The following PDE1A variants were observed in gnomAD, a reference collection of about 807,000 sequenced individuals.
PDE1A encodes dual specificity calcium/calmodulin-dependent 3',5'-cyclic nucleotide phosphodiesterase 1A.
Under a neutral mutation model 61.7 loss-of-function variants are expected in PDE1A, and 35 were observed. The observed-to-expected ratio is 0.57, with a 90% CI of 0.43 to 0.75. The LOEUF (loss-of-function observed/expected upper bound fraction) is 0.75. Ranked by LOEUF, PDE1A falls within the 30% of genes least tolerant of loss-of-function variation. The probability of loss-of-function intolerance (pLI) is 0.00; values close to 1 mark genes in which losing one functional copy is unlikely to be tolerated. For synonymous variants in PDE1A, 232 were observed against 213.2 expected (o/e 1.09, Z -0.77); for missense variants, 597 against 630.6 (o/e 0.95, Z 0.57).
the PDE1A span, among the ~76,000 whole-genome samples, chr2:182,561,191 T>C: frequency 6.6e-6 from 1 of 151,906 alleles, no homozygotes; most frequent in Non-Finnish European, 1.5e-5. Context: ...TGGTTTTAGG[T>C]CTAATGTTTA....
At chr2:182,635,221 T>A in the PDE1A span, among the ~76,000 whole-genome samples, 1 of 152,098 alleles carries the variant, frequency 6.6e-6, no homozygotes, top group Non-Finnish European at 1.5e-5. Context: ...TACCATTGAT[T>A]TAATGTAATA....
At chr2:182,280,573 G>T (rs1005957764) in intron 1 of PDE1A, among the ~76,000 whole-genome samples, 2 of 151,980 alleles carry the variant, frequency 1.3e-5, no homozygotes, top group Admixed American at 1.3e-4. Context: ...CTCTCAAAAT[G>T]TAAAGGCTTT....
At chr2:182,308,975 A>T (rs75871545) in intron 1 of PDE1A, among the ~76,000 whole-genome samples, 2,349 of 151,852 alleles carry the variant, frequency 0.015, 62 homozygotes, top group African/African-American at 0.054. Context: ...CTTATCCTAA[A>T]TGCCAGGTAA....
At chr2:182,349,351 T>C (rs1464257712) in intron 1 of PDE1A, among the ~76,000 whole-genome samples, 1 of 152,212 alleles carries the variant, frequency 6.6e-6, no homozygotes, top group Non-Finnish European at 1.5e-5. Flanking sequence ...TGTGCCAGCA[T>C]AGGTCAGCAA....
chr2:182,527,969 G>A (rs56793665), upstream of PDE1A, among the ~76,000 whole-genome samples: 1 of 151,964 alleles, frequency 6.6e-6, no homozygotes. Flanking sequence ...CCATTAAACC[G>A]CTTTTTCTTT....
the PDE1A span, among the ~76,000 whole-genome samples, chr2:182,608,352 C>G: frequency 6.6e-6 from 1 of 152,236 alleles, no homozygotes. Flanking sequence ...GGCGCCTCCT[C>G]GGCCTTGGCG....
rs533234147 is a variant in PDE1A at position 182,355,248 on chromosome 2, T to A, written c.53+71330A>T. ...AAATAAATATGGCCACTCTTACCAT[T>A]AAGACTTAGCAACATATCCCTATCA... is the stretch of plus-strand genomic sequence containing the variant. On this transcript the variant is annotated intron_variant, in intron 1 of 13. Coordinates refer to ENST00000351439, the Ensembl canonical transcript of PDE1A. Among the ~76,000 whole-genome samples, 13 of 152,118 alleles carry A rather than the reference T, an allele frequency of 8.5e-5. 1 individual carries two copies. The South Asian group carries it at 2.7e-3, about 32-fold the overall frequency.
chr2:182,448,253 C>T (rs1196721162), intron 2 of PDE1A, among the ~76,000 whole-genome samples: 1 of 152,040 alleles, frequency 6.6e-6, no homozygotes, highest in Non-Finnish European at 1.5e-5. Flanking sequence ...CTCCTTTCTT[C>T]TTTATTTTAA....
At chr2:182,404,900 C>G (rs970871686) in intron 1 of PDE1A, among the ~76,000 whole-genome samples, 2 of 152,138 alleles carry the variant, frequency 1.3e-5, no homozygotes, top group African/African-American at 4.8e-5. Context: ...AAGGAATACT[C>G]TATAAAATAA....
chr2:182,310,659 C>A (rs1559323868), intron 1 of PDE1A, among the ~76,000 whole-genome samples: 1 of 152,116 alleles, frequency 6.6e-6, no homozygotes, highest in Non-Finnish European at 1.5e-5. Flanking sequence ...CCTTTAATTT[C>A]TGCCACATTC....
At chr2:182,448,687 T>C (rs1221640756) in intron 2 of PDE1A, among the ~76,000 whole-genome samples, 2 of 152,134 alleles carry the variant, frequency 1.3e-5, no homozygotes, top group African/African-American at 4.8e-5. Flanking sequence ...AGGTATTCAC[T>C]TTCAGCAGAG....
chr2:182,184,662 T>C (rs1685060857), intron 13 of PDE1A, among the ~76,000 whole-genome samples: 1 of 152,140 alleles, frequency 6.6e-6, no homozygotes, highest in South Asian at 2.1e-4. Context: ...AGGGTAAATA[T>C]GTGAGAACAT....
At chr2:182,337,260 C>A (rs1046526812) in intron 1 of PDE1A, among the ~76,000 whole-genome samples, 1 of 151,928 alleles carries the variant, frequency 6.6e-6, no homozygotes, top group Non-Finnish European at 1.5e-5. Context: ...GAAATACATA[C>A]AAAATAAAGC....
chr2:182,578,327 T>C, the PDE1A span, among the ~76,000 whole-genome samples: 6 of 152,220 alleles, frequency 3.9e-5, no homozygotes, highest in South Asian at 1.2e-3. Flanking sequence ...ACCTTATGTA[T>C]CTATTAAGCT....
intron 1 of PDE1A, among the ~76,000 whole-genome samples, chr2:182,363,214 T>A (rs1699616394): frequency 6.6e-6 from 1 of 151,984 alleles, no homozygotes; most frequent in South Asian, 2.1e-4. Context: ...GAACCTGAAC[T>A]TAAAAGTTAA....
chr2:182,407,872 A>C (rs1352028557), intron 1 of PDE1A, among the ~76,000 whole-genome samples: 1 of 152,180 alleles, frequency 6.6e-6, no homozygotes, highest in African/African-American at 2.4e-5. Flanking sequence ...AATAAGTCAT[A>C]TGTACATGTA....
rs78981917 is a variant in PDE1A at position 182,355,680 on chromosome 2, A to T, written c.53+70898T>A. 2.7e-3 allele frequency among the ~76,000 whole-genome samples: 412 copies of T among 152,178 alleles called. 1 individual carries two copies. Among genetic ancestry groups the T allele is most frequent in the African/African-American group, 9.5e-3 (395 of 41,556 alleles). ...AATTTTCTAAAGCATTTTTTTCCTA[A>T]AAATAGTTTCATGGTAAAATTTTTA... On this transcript the variant is annotated intron_variant, in intron 1 of 13. Transcript: ENST00000351439.
chr2:182,515,588 G>A (rs759717258), intron 2 of PDE1A, among the ~76,000 whole-genome samples: 8 of 152,048 alleles, frequency 5.3e-5, no homozygotes, highest in Non-Finnish European at 1.0e-4. Context: ...TTAAGACTAC[G>A]TCTACACATC....
the PDE1A span, among the ~76,000 whole-genome samples, chr2:182,710,215 T>C: frequency 6.6e-6 from 1 of 152,218 alleles, no homozygotes; most frequent in African/African-American, 2.4e-5. Context: ...TCTACATTTT[T>C]TAAATTTTAA....
Sources: allele counts gnomAD v4.1 joint callset (sites outside exome capture counted in the v4.1 genomes callset), GRCh38; gene constraint gnomAD v4.1.1; transcripts MANE v1.5; gene names NCBI Gene and HGNC (gene_info 2026-07-23, HGNC 2026-07-21).